The following NRG3 variants were observed in gnomAD, a reference collection of about 807,000 sequenced individuals.
NRG3 encodes pro-neuregulin-3, membrane-bound isoform.
In NRG3, 31 loss-of-function variants were observed where a neutral mutation model predicts 66.9. The observed-to-expected ratio is 0.46, with a 90% CI of 0.35 to 0.63. The LOEUF is 0.63. NRG3 is among the 20% of genes least tolerant of loss of function. The pLI, the probability that NRG3 is intolerant of heterozygous loss-of-function variation, is 0.00. For missense variants in NRG3, 910 were observed against 878.9 expected (o/e 1.04, Z -0.45); for synonymous variants, 393 against 359.4 (o/e 1.09, Z -1.06).
intron 4 of NRG3, among the ~76,000 whole-genome samples, chr10:82,916,191 C>G (rs1203943549): frequency 6.6e-6 from 1 of 152,206 alleles, no homozygotes; most frequent in East Asian, 1.9e-4. Flanking sequence ...CTGGTTTACA[C>G]CTGTGATTTC....
chr10:82,547,649 T>C (rs574760428), intron 2 of NRG3, among the ~76,000 whole-genome samples: 1 of 151,814 alleles, frequency 6.6e-6, no homozygotes, highest in South Asian at 2.1e-4. Context: ...ATATATATAT[T>C]TATGCACACA....
intron 2 of NRG3, among the ~76,000 whole-genome samples, chr10:82,514,574 T>G (rs376733825): frequency 1.2e-4 from 19 of 152,048 alleles, no homozygotes; most frequent in South Asian, 6.2e-4. Context: ...ACTATGCTGG[T>G]TTTTTTTGTT....
At chr10:82,189,815 T>A (rs1421424810) in intron 1 of NRG3, among the ~76,000 whole-genome samples, 4 of 149,156 alleles carry the variant, frequency 2.7e-5, no homozygotes, top group African/African-American at 7.4e-5. Context: ...ATAAATAAAT[T>A]AGCCAGATGT....
chr10:82,235,822 C>T (rs770820321), intron 1 of NRG3, among the ~76,000 whole-genome samples: 39 of 152,162 alleles, frequency 2.6e-4, no homozygotes, highest in Non-Finnish European at 4.7e-4. Context: ...AGTTGTCCAG[C>T]GTGTGTCACT....
Position 82,603,212 on chromosome 10 carries a change from G to A in NRG3, c.954-135365G>A, listed in dbSNP as rs115831692. 5.2e-3 allele frequency among the ~76,000 whole-genome samples: 792 copies of A among 152,242 alleles called. 6 individuals are homozygous for A. Among genetic ancestry groups the A allele is most frequent in the African/African-American group, 0.017 (698 of 41,542 alleles). ...CTTCATGGGAATTAGCCTACTTTTG[G>A]AGGCTAGCTTGAGGTGTCATTGGGA... is the stretch of plus-strand genomic sequence containing the variant. On this transcript the variant is annotated intron_variant, in intron 2 of 8. Coordinates refer to ENST00000372141, the MANE Select transcript of NRG3 (RefSeq NM_001010848.4).
chr10:82,324,099 A>T (rs1236321460), intron 1 of NRG3, among the ~76,000 whole-genome samples: 2 of 152,162 alleles, frequency 1.3e-5, no homozygotes, highest in South Asian at 2.1e-4. Flanking sequence ...TCCTGACCTC[A>T]GGTGATACAC....
chr10:82,139,534 C>T (rs2069617363), intron 1 of NRG3, among the ~76,000 whole-genome samples: 1 of 152,112 alleles, frequency 6.6e-6, no homozygotes, highest in Admixed American at 6.6e-5. Flanking sequence ...CCGTTAAGTC[C>T]TCATTGTCCA....
At chr10:82,954,772 A>G (rs917999411) in intron 5 of NRG3, among the ~76,000 whole-genome samples, 2 of 149,656 alleles carry the variant, frequency 1.3e-5, no homozygotes. Flanking sequence ...TAAAAGCAAT[A>G]TAGATTGTCA....
rs149174492 is a variant in NRG3, at chr10:82,289,214, C to T, written c.824-69525C>T. ...CTTCGCTTTCTGATTCCACCCTTCA[C>T]GCCATCAGCTCTAGAGACAAAGGTA... On this transcript the variant is annotated intron_variant, in intron 1 of 8. Transcript: ENST00000372141. Among the ~76,000 whole-genome samples, 161 of 152,206 alleles carry T rather than the reference C, an allele frequency of 1.1e-3. 1 individual carries two copies. The highest frequency in any genetic ancestry group is 3.4e-3 in the African/African-American group (143 of 41,536).
chr10:81,911,552 G>A (rs1257333647), intron 1 of NRG3, among the ~76,000 whole-genome samples: 2 of 144,112 alleles, frequency 1.4e-5, no homozygotes, highest in African/African-American at 5.1e-5. Flanking sequence ...ATTTGCTGCT[G>A]TTTGACTGGA....
intron 1 of NRG3, among the ~76,000 whole-genome samples, chr10:82,004,111 A>G (rs1422843782): frequency 6.6e-6 from 1 of 152,004 alleles, no homozygotes; most frequent in East Asian, 1.9e-4. Flanking sequence ...ATTGGGTTGC[A>G]ATAATCATTT....
chr10:82,711,743 A>T (rs2056681672), intron 2 of NRG3, among the ~76,000 whole-genome samples: 1 of 152,136 alleles, frequency 6.6e-6, no homozygotes, highest in African/African-American at 2.4e-5. Context: ...TCTGTTTATC[A>T]TATGATCAAT....
chr10:82,889,645 C>G (rs1842985161), intron 4 of NRG3, among the ~76,000 whole-genome samples: 1 of 152,136 alleles, frequency 6.6e-6, no homozygotes, highest in Non-Finnish European at 1.5e-5. Context: ...ATTCTATAAG[C>G]TAACTTGTGC....
intron 1 of NRG3, among the ~76,000 whole-genome samples, chr10:82,170,958 G>A (rs992685923): frequency 2.0e-5 from 3 of 151,588 alleles, no homozygotes; most frequent in African/African-American, 7.2e-5. Context: ...TATGGGTGTT[G>A]TCAGATTGTT....
chr10:82,204,477 G>A (rs1327671823), intron 1 of NRG3, among the ~76,000 whole-genome samples: 1 of 152,140 alleles, frequency 6.6e-6, no homozygotes, highest in Admixed American at 6.6e-5. Context: ...GCAAGAGAGG[G>A]GATTTAGCTG....
intron 2 of NRG3, among the ~76,000 whole-genome samples, chr10:82,440,206 T>A (rs7894515): frequency 0.043 from 6,539 of 151,980 alleles, 496 homozygotes; most frequent in African/African-American, 0.15. Context: ...TTTCTCTAGA[T>A]TTGTATTATT....
rs570452644 is a variant in NRG3 at position 82,183,478 on chromosome 10, C to A, written c.824-175261C>A. ...GTTCAGTTATTGCATTCTTCAGGTGCAAACTTTGTTTTGCTTTTTAAACTA... is the reference window on the plus strand; with the variant it reads ...GTTCAGTTATTGCATTCTTCAGGTGAAAACTTTGTTTTGCTTTTTAAACTA... On this transcript the variant is annotated intron_variant, in intron 1 of 8. Coordinates refer to ENST00000372141, the MANE Select transcript of NRG3 (RefSeq NM_001010848.4). 5.2e-4 allele frequency among the ~76,000 whole-genome samples: 79 copies of A among 152,170 alleles called. No individual in the cohort carries two copies. The South Asian group carries it at 0.016, about 30-fold the overall frequency.
intron 1 of NRG3, among the ~76,000 whole-genome samples, chr10:82,314,821 A>AC (rs1322902386): frequency 5.3e-5 from 8 of 152,158 alleles, no homozygotes; most frequent in African/African-American, 1.9e-4. Context: ...AAACAAATAA[A>AC]CAAAAAAACA....
chr10:82,103,812 A>G (rs1182010576), intron 1 of NRG3, among the ~76,000 whole-genome samples: 7 of 152,030 alleles, frequency 4.6e-5, no homozygotes, highest in Admixed American at 3.3e-4. Flanking sequence ...CACTACCATT[A>G]TCATCACAGG....
Sources: gnomAD v4.1 joint callset for allele counts (sites outside exome capture counted in the v4.1 genomes callset) on GRCh38, gnomAD v4.1.1 for gene constraint, MANE v1.5 for transcripts, NCBI Gene and HGNC (gene_info 2026-07-23, HGNC 2026-07-21) for gene names.